The following GRIA2 variants were observed in gnomAD, a reference collection of about 807,000 sequenced individuals.
The protein encoded by GRIA2 is glutamate receptor 2.
In GRIA2, 14 loss-of-function variants were observed where a neutral mutation model predicts 97.3. The observed-to-expected ratio is 0.14, with a 90% CI of 0.10 to 0.23. The LOEUF (loss-of-function observed/expected upper bound fraction) is 0.23, where lower values mean the gene tolerates loss of function less well. Among genes scored for constraint, GRIA2 ranks in the 10% least tolerant of loss-of-function variants. GRIA2 has a pLI of 1.00. For synonymous variants in GRIA2, 412 were observed against 387.8 expected, an observed-to-expected ratio of 1.06 and a Z score of -0.73; for missense variants, 558 against 1,069.8, an observed-to-expected ratio of 0.52 and a Z score of 6.67.
intron 2 of GRIA2, among the ~76,000 whole-genome samples, chr4:157,274,524 C>G (rs1266104633): frequency 2.2e-5 from 3 of 139,212 alleles, no homozygotes; most frequent in Non-Finnish European, 3.1e-5. Context: ...CCCCTCCCCC[C>G]ACCCCACAAC....
At chr4:157,307,352 T>C (rs1243840194) in intron 3 of GRIA2, among the ~76,000 whole-genome samples, 1 of 152,216 alleles carries the variant, frequency 6.6e-6, no homozygotes, top group East Asian at 1.9e-4. Context: ...GATGCATGGA[T>C]AGAAACATCT....
chr4:157,335,157 G>A (rs1735225092), intron 9 of GRIA2: 1 of 163,180 alleles, frequency 6.1e-6, no homozygotes, highest in Non-Finnish European at 1.4e-5. Context: ...GCCTGCGGGG[G>A]TAGAATCAGT....
At chr4:157,350,862 A>G (rs1269949897) in intron 12 of GRIA2, among the ~76,000 whole-genome samples, 1 of 151,808 alleles carries the variant, frequency 6.6e-6, no homozygotes, top group Non-Finnish European at 1.5e-5. Context: ...CCATTCTATG[A>G]ATATGAACTG....
At chr4:157,322,860 C>T (rs1001585767) in intron 6 of GRIA2, among the ~76,000 whole-genome samples, 2 of 152,130 alleles carry the variant, frequency 1.3e-5, no homozygotes, top group African/African-American at 4.8e-5. Flanking sequence ...GCATGACTGT[C>T]TATGAGATTG....
At chr4:157,269,078 G>A (rs924527857) in intron 2 of GRIA2, among the ~76,000 whole-genome samples, 6 of 152,022 alleles carry the variant, frequency 3.9e-5, no homozygotes, top group African/African-American at 1.4e-4. Context: ...ATAGCTTAGT[G>A]CAGATAGTGG....
intron 2 of GRIA2, among the ~76,000 whole-genome samples, chr4:157,233,884 C>T (rs1730129350): frequency 6.6e-6 from 1 of 152,052 alleles, no homozygotes. Flanking sequence ...TACCCATTTA[C>T]AGAAAACAAA....
chr4:157,306,612 A>G (rs1733856362), intron 3 of GRIA2, among the ~76,000 whole-genome samples: 4 of 152,180 alleles, frequency 2.6e-5, no homozygotes. Flanking sequence ...GTGGCCTTCT[A>G]TCTGAAGTTA....
intron 2 of GRIA2, among the ~76,000 whole-genome samples, chr4:157,242,832 A>C (rs1730566110): frequency 6.6e-6 from 1 of 152,088 alleles, no homozygotes; most frequent in Non-Finnish European, 1.5e-5. Flanking sequence ...TTGATCCATT[A>C]ACACTGAATA....
chr4:157,247,618 G>A (rs917388844), intron 2 of GRIA2, among the ~76,000 whole-genome samples: 17 of 152,140 alleles, frequency 1.1e-4, no homozygotes, highest in African/African-American at 3.1e-4. Flanking sequence ...TGGAGCAGTG[G>A]GCATGCTTGG....
chr4:157,347,570 G>C (rs1735815819), intron 12 of GRIA2, among the ~76,000 whole-genome samples: 2 of 152,134 alleles, frequency 1.3e-5, no homozygotes, highest in African/African-American at 2.4e-5. Flanking sequence ...ATGCTTCAGA[G>C]AGAATATTAA....
chr4:157,336,520 T>C lies in GRIA2; in HGVS notation c.1617T>C (p.Leu539=), dbSNP rs377605150. Reference sequence around the variant, plus strand: ...CCAAACCAGGAGTGTTTTCCTTTCTTGATCCTTTAGCCTATGAGATCTGGA... The same window carrying C: ...CCAAACCAGGAGTGTTTTCCTTTCTCGATCCTTTAGCCTATGAGATCTGGA... ...QKSKPGVFSF[L]DPLAYEIWMC... The change falls in exon 11 of 16, where the codon CTT becomes CTC. Residue 539 remains leucine (L), a synonymous_variant. Coordinates refer to ENST00000264426, the MANE Select transcript of GRIA2 (RefSeq NM_001083619.3). The C allele has an allele frequency of 1.9e-6, 3 of 1,613,366 alleles. No individual in the cohort carries two copies. The highest frequency in any genetic ancestry group is 2.5e-6 in the Non-Finnish European group (3 of 1,179,584).
In GRIA2 at chr4:157,303,432, T is replaced by C. The variant is rs556636573; in HGVS notation, c.230-120T>C. 1.7e-5 allele frequency: 13 copies of C among 758,960 alleles called. No individual in the cohort carries two copies. The East Asian group carries it at 3.5e-4, about 20-fold the overall frequency. 47.0% of individuals were successfully genotyped at this position (758,960 alleles called of 1,614,324 possible). Reference sequence around the variant, plus strand: ...AAATTACAATGGATCATTAAATCTATATTTCTTTCAATATGTTAATTTTGT... The same window carrying C: ...AAATTACAATGGATCATTAAATCTACATTTCTTTCAATATGTTAATTTTGT... On this transcript the variant is annotated intron_variant, in intron 2 of 15. Transcript: ENST00000264426.
intron 12 of GRIA2, among the ~76,000 whole-genome samples, chr4:157,347,173 A>G (rs1018449943): frequency 6.6e-6 from 1 of 152,158 alleles, no homozygotes; most frequent in Non-Finnish European, 1.5e-5. Context: ...GCCATAATGA[A>G]TCATGTGTTT....
rs199736077 is a variant in GRIA2, at chr4:157,329,264, AT to A, written c.883-3553del. Among the ~76,000 whole-genome samples the A allele has an allele frequency of 2.1e-3, 315 of 152,064 alleles. 3 individuals are homozygous for A. Among genetic ancestry groups the A allele is most frequent in the African/African-American group, 7.1e-3 (296 of 41,538 alleles). On this transcript the variant is annotated intron_variant, in intron 6 of 15. Coordinates refer to ENST00000264426, the MANE Select transcript of GRIA2 (RefSeq NM_001083619.3). ...ATCATAATTTTTGACCCTGTTTTAA[AT>A]TATTTTGTAAAAGGATGAAACTGAG... is the stretch of plus-strand genomic sequence containing the variant.
At chr4:157,357,427 G>A (rs1241654792) in intron 12 of GRIA2, among the ~76,000 whole-genome samples, 2 of 152,090 alleles carry the variant, frequency 1.3e-5, no homozygotes, top group Admixed American at 1.3e-4. Context: ...ACTAAAAACT[G>A]TGAGCCAAAT....
intron 2 of GRIA2, among the ~76,000 whole-genome samples, chr4:157,258,822 A>C (rs1172813763): frequency 6.6e-6 from 1 of 152,052 alleles, no homozygotes; most frequent in Non-Finnish European, 1.5e-5. Context: ...ACACTTAGGG[A>C]AAATAGAAAA....
intron 2 of GRIA2, among the ~76,000 whole-genome samples, chr4:157,238,860 C>A (rs902903341): frequency 3.0e-4 from 46 of 152,170 alleles, no homozygotes; most frequent in African/African-American, 1.1e-3. Flanking sequence ...ATCATTGTTA[C>A]AATTTTTAAA....
At chr4:157,298,611 CTTTTTTTTTT>C (rs67497887) in intron 2 of GRIA2, among the ~76,000 whole-genome samples, 2 of 34,314 alleles carry the variant, frequency 5.8e-5, no homozygotes, top group African/African-American at 1.2e-4. Context: ...TGAAGCTAAG[CTTTTTTTTTT>C]TTTTTTTTTT....
chr4:157,250,697 G>C (rs573375745), intron 2 of GRIA2, among the ~76,000 whole-genome samples: 1 of 151,964 alleles, frequency 6.6e-6, no homozygotes, highest in Non-Finnish European at 1.5e-5. Flanking sequence ...AATCAAGAAG[G>C]CCCATTTGCT....
Sources: allele counts gnomAD v4.1 joint callset (sites outside exome capture counted in the v4.1 genomes callset), GRCh38; gene constraint gnomAD v4.1.1; transcripts MANE v1.5; gene names NCBI Gene and HGNC (gene_info 2026-07-23, HGNC 2026-07-21).